Variants in LRRTM4 observed in about 807,000 individuals in gnomAD.
LRRTM4 encodes the protein leucine-rich repeat transmembrane neuronal protein 4.
A neutral mutation model predicts 47.6 loss-of-function variants in LRRTM4; 25 were observed. That is an observed-to-expected ratio of 0.53 (90% CI 0.38 to 0.73). LRRTM4 has a LOEUF of 0.73. Among genes scored for constraint, LRRTM4 ranks in the 30% least tolerant of loss-of-function variants. The pLI, the probability that LRRTM4 is intolerant of heterozygous loss-of-function variation, is 0.00. For missense variants in LRRTM4, 638 were observed against 713.4 expected (o/e 0.89, Z 1.20); for synonymous variants, 311 against 269.5 (o/e 1.15, Z -1.51).
At chr2:76,888,636 T>C (rs1352124958) in intron 3 of LRRTM4, among the ~76,000 whole-genome samples, 2 of 151,806 alleles carry the variant, frequency 1.3e-5, no homozygotes, top group Non-Finnish European at 3.0e-5. Context: ...AGTTTCAAAT[T>C]ATATTCAAAA....
chr2:77,422,882 G>C (rs1674957148), intron 3 of LRRTM4, among the ~76,000 whole-genome samples: 1 of 151,872 alleles, frequency 6.6e-6, no homozygotes, highest in Non-Finnish European at 1.5e-5. Context: ...TCAAAATTTG[G>C]CATAATAAAA....
chr2:77,454,052 C>T (rs192969025), intron 3 of LRRTM4, among the ~76,000 whole-genome samples: 3 of 152,240 alleles, frequency 2.0e-5, no homozygotes, highest in African/African-American at 7.2e-5. Context: ...CCTCTCATAA[C>T]GCCAGACACT....
At chr2:77,067,917 A>C (rs1461789795) in intron 3 of LRRTM4, among the ~76,000 whole-genome samples, 2 of 152,170 alleles carry the variant, frequency 1.3e-5, no homozygotes, top group Non-Finnish European at 2.9e-5. Flanking sequence ...AGGGAAAGTG[A>C]TATATTTTCA....
chr2:77,502,637 A>C (rs1228491443), intron 3 of LRRTM4, among the ~76,000 whole-genome samples: 1 of 151,650 alleles, frequency 6.6e-6, no homozygotes, highest in Non-Finnish European at 1.5e-5. Flanking sequence ...CACTGGAATT[A>C]TAAAGTCCAA....
intron 3 of LRRTM4, among the ~76,000 whole-genome samples, chr2:76,969,919 T>C (rs1204687107): frequency 1.3e-5 from 2 of 151,996 alleles, no homozygotes; most frequent in African/African-American, 2.4e-5. Context: ...CTATCCCTCA[T>C]GGTCTGTGTC....
intron 3 of LRRTM4, among the ~76,000 whole-genome samples, chr2:76,925,162 G>A (rs905787474): frequency 3.9e-5 from 6 of 152,100 alleles, no homozygotes; most frequent in Non-Finnish European, 8.8e-5. Context: ...ATTCTGAGTG[G>A]GCTTTACCCA....
intron 3 of LRRTM4, among the ~76,000 whole-genome samples, chr2:76,954,459 C>T (rs1342336859): frequency 6.6e-6 from 1 of 151,132 alleles, no homozygotes; most frequent in South Asian, 2.1e-4. Context: ...AAGAAATCAA[C>T]AGACTTGAAG....
At chr2:76,832,333 AC>A (rs1671377191) in intron 3 of LRRTM4, among the ~76,000 whole-genome samples, 1 of 152,008 alleles carries the variant, frequency 6.6e-6, no homozygotes, top group Non-Finnish European at 1.5e-5. Flanking sequence ...TTAAAAGATC[AC>A]ACACACATAC....
At chr2:77,055,399 C>G (rs888404541) in intron 3 of LRRTM4, among the ~76,000 whole-genome samples, 5 of 152,150 alleles carry the variant, frequency 3.3e-5, no homozygotes, top group Middle Eastern at 3.2e-3. Context: ...AGACACTTCT[C>G]AAAAGAAGAC....
intron 3 of LRRTM4, among the ~76,000 whole-genome samples, chr2:77,108,080 GT>G (rs1232072854): frequency 6.6e-6 from 1 of 151,906 alleles, no homozygotes; most frequent in Non-Finnish European, 1.5e-5. Context: ...CAACCAGTAA[GT>G]GAACCCAGAG....
intron 3 of LRRTM4, among the ~76,000 whole-genome samples, chr2:77,112,926 C>G (rs1038650246): frequency 6.6e-6 from 1 of 152,066 alleles, no homozygotes; most frequent in Non-Finnish European, 1.5e-5. Context: ...AGCTAACATA[C>G]GAGGGAGAAT....
chr2:77,173,028 C>A (rs1673098139), intron 3 of LRRTM4, among the ~76,000 whole-genome samples: 1 of 152,082 alleles, frequency 6.6e-6, no homozygotes. Flanking sequence ...GCAAGGGATG[C>A]AATAATCAGC....
At position 77,306,895 on chromosome 2, in the gene LRRTM4, A is replaced by ATTTTTTTTTTTTTTT. The variant is rs1491512359; in HGVS notation, c.1551+211422_1551+211423insAAAAAAAAAAAAAAA. Among the ~76,000 whole-genome samples, 28 of 125,650 alleles carry ATTTTTTTTTTTTTTT rather than the reference A, an allele frequency of 2.2e-4. 1 individual carries two copies. Among genetic ancestry groups the ATTTTTTTTTTTTTTT allele is most frequent in the African/African-American group, 9.4e-4 (24 of 25,618 alleles). The allele number at this position is 125,650 out of a possible 152,430, so 82.4% of individuals were successfully genotyped here. A position where few individuals can be genotyped will look rare whatever the true frequency, so the allele number is the denominator to read the frequency against. On this transcript the variant is annotated intron_variant, in intron 3 of 3. Transcript: ENST00000409884. ...TAAAATAGCTATATACTGCTTTTCC[A>ATTTTTTTTTTTTTTT]TATTTTTTTTTTTTTTTTTTTTGAG...
chr2:77,137,053 C>A (rs922505869), intron 3 of LRRTM4, among the ~76,000 whole-genome samples: 1 of 151,878 alleles, frequency 6.6e-6, no homozygotes, highest in Non-Finnish European at 1.5e-5. Flanking sequence ...AAACACTCTG[C>A]AAGATATTAT....
At chr2:77,494,799 C>A (rs57460334) in intron 3 of LRRTM4, among the ~76,000 whole-genome samples, 40,749 of 151,770 alleles carry the variant, frequency 0.27, 5,533 homozygotes, top group African/African-American at 0.29. Flanking sequence ...AGTCCTCCTG[C>A]ATCAATCTCC....
At chr2:77,360,941 T>C (rs1437499715) in intron 3 of LRRTM4, among the ~76,000 whole-genome samples, 4 of 152,136 alleles carry the variant, frequency 2.6e-5, no homozygotes, top group Admixed American at 1.3e-4. Flanking sequence ...TTAACTTTCT[T>C]GTTTACATAC....
At chr2:77,423,297 G>A (rs963475289) in intron 3 of LRRTM4, among the ~76,000 whole-genome samples, 1 of 151,420 alleles carries the variant, frequency 6.6e-6, no homozygotes, top group Non-Finnish European at 1.5e-5. Flanking sequence ...TAGGGCACAT[G>A]GGTCTTTTAT....
In LRRTM4 at chr2:77,518,583, C is replaced by A. The variant is rs1679329066; in HGVS notation, c.1286G>T (p.Ser429Ile). 1.2e-6 allele frequency: 2 copies of A among 1,613,458 alleles called. No homozygotes were observed. The highest frequency in any genetic ancestry group is 1.7e-6 in the Non-Finnish European group (2 of 1,179,654). ...HVSFHKIIAG[S>I]VALFLSVAMI... Reference sequence around the variant, plus strand: ...GGCCACTGAGAGAAAGAGAGCCACACTCCCGGCAATAATTTTGTGAAATGA... The same window carrying A: ...GGCCACTGAGAGAAAGAGAGCCACAATCCCGGCAATAATTTTGTGAAATGA... The change falls in exon 3 of 4, where the codon AGT becomes ATT. Residue 429 changes from serine (S) to isoleucine (I), a missense_variant. Transcript: ENST00000409884.
intron 3 of LRRTM4, among the ~76,000 whole-genome samples, chr2:76,765,567 G>A (rs1378457673): frequency 2.0e-5 from 3 of 152,140 alleles, no homozygotes; most frequent in African/African-American, 7.2e-5. Context: ...AAGATGAGAT[G>A]CTAGAGAGTT....
Sources: gnomAD v4.1 joint callset for allele counts (sites outside exome capture counted in the v4.1 genomes callset) on GRCh38, gnomAD v4.1.1 for gene constraint, MANE v1.5 for transcripts, NCBI Gene and HGNC (gene_info 2026-07-23, HGNC 2026-07-21) for gene names.